SRSF11: variants seen among roughly 807,000 people sequenced by gnomAD.
SRSF11 encodes the protein serine/arginine-rich splicing factor 11.
A neutral mutation model predicts 56.0 loss-of-function variants in SRSF11; 9 were observed. The ratio of observed to expected loss-of-function variants is 0.16; its 90% CI spans 0.10 to 0.28. The LOEUF is 0.28. SRSF11 is among the 10% of genes least tolerant of loss of function. The pLI is 1.00. For missense variants in SRSF11, 421 were observed against 600.7 expected, an observed-to-expected ratio of 0.70 and a Z score of 3.13; for synonymous variants, 222 against 215.3, an observed-to-expected ratio of 1.03 and a Z score of -0.27.
In SRSF11 at chr1:70,244,735, G is replaced by A; in HGVS notation, c.852G>A (p.Arg284=). The A allele has an allele frequency of 6.2e-7, 1 of 1,614,166 alleles. No homozygotes were observed. The highest frequency in any genetic ancestry group is 8.5e-7 in the Non-Finnish European group (1 of 1,180,026). Residue 284 remains arginine (R), a synonymous_variant, in exon 8 of 12, where the codon CGG becomes CGA. Transcript: ENST00000370949. ...RRRSHSKSRS[R]RRSKSPRRRR... Reference sequence around the variant, plus strand: ...GGTCACATTCTAAGTCTAGGAGTCGGCGACGATCCAAAAGCCCAAGGCGGA... The same window carrying A: ...GGTCACATTCTAAGTCTAGGAGTCGACGACGATCCAAAAGCCCAAGGCGGA...
intron 7 of SRSF11, among the ~76,000 whole-genome samples, chr1:70,241,004 T>C (rs1413310732): frequency 6.6e-6 from 1 of 152,046 alleles, no homozygotes; most frequent in African/African-American, 2.4e-5. Flanking sequence ...ACCCGCGACC[T>C]CAGGTGATCC....
upstream of SRSF11, among the ~76,000 whole-genome samples, chr1:70,217,539 T>A (rs1670125334): frequency 6.6e-6 from 1 of 152,190 alleles, no homozygotes; most frequent in African/African-American, 2.4e-5. Context: ...TTCCCTACTC[T>A]ATTTCCAGCA....
chr1:70,227,893 A>G (rs564740078), intron 1 of SRSF11, among the ~76,000 whole-genome samples: 74 of 152,324 alleles, frequency 4.9e-4, no homozygotes, highest in African/African-American at 1.6e-3. Flanking sequence ...TTTACAGTGC[A>G]TAAGAGTTCT....
At chr1:70,206,282 C>A (rs568690739) in intron 1 of SRSF11, among the ~76,000 whole-genome samples, 1 of 152,184 alleles carries the variant, frequency 6.6e-6, no homozygotes, top group Non-Finnish European at 1.5e-5. Context: ...AAGTTCAAAT[C>A]TCAGCTGCTT....
At chr1:70,207,151 C>G (rs1669121421) in intron 1 of SRSF11, among the ~76,000 whole-genome samples, 1 of 151,894 alleles carries the variant, frequency 6.6e-6, no homozygotes, top group South Asian at 2.1e-4. Context: ...TTCGGCCTCC[C>G]AAAGTGCTGG....
chr1:70,221,322 G>T (rs564633384), upstream of SRSF11: 30 of 363,256 alleles, frequency 8.3e-5, no homozygotes, highest in Middle Eastern at 2.1e-3. Flanking sequence ...CCTGCGCGGG[G>T]TGGAGCCGAC....
chr1:70,243,573 T>G (rs1203423233), intron 7 of SRSF11, among the ~76,000 whole-genome samples: 1 of 152,120 alleles, frequency 6.6e-6, no homozygotes, highest in South Asian at 2.1e-4. Flanking sequence ...GTTACCTGGC[T>G]TATAAATGAG....
chr1:70,225,508 A>G (rs1415734654), intron 1 of SRSF11, among the ~76,000 whole-genome samples: 1 of 152,150 alleles, frequency 6.6e-6, no homozygotes, highest in Non-Finnish European at 1.5e-5. Context: ...TTAGCACACT[A>G]TTAAGGTGGA....
At position 70,229,448 on chromosome 1, in the gene SRSF11, T is replaced by C. The variant is rs936313467; in HGVS notation, c.337+893T>C. On this transcript the variant is annotated intron_variant, in intron 2 of 11. Coordinates refer to ENST00000370949, the MANE Select transcript of SRSF11 (RefSeq NM_001350605.2). ...TCTAAAAAGCCACTGTGACAAGAAATTTTAATACCATTTTGTAAAATTTTC... is the reference window on the plus strand; with the variant it reads ...TCTAAAAAGCCACTGTGACAAGAAACTTTAATACCATTTTGTAAAATTTTC... 1.5e-4 allele frequency: 148 copies of C among 985,264 alleles called. No homozygotes were observed. The Middle Eastern group carries it at 2.1e-3, about 14-fold the overall frequency. The allele number at this position is 985,264 out of a possible 1,614,324, so 61.0% of individuals were successfully genotyped here.
Position 70,223,550 on chromosome 1 carries a change from C to G in SRSF11, c.203+1711C>G, listed in dbSNP as rs547843380. On this transcript the variant is annotated intron_variant, in intron 1 of 11. Transcript: ENST00000370949. Reference sequence around the variant, plus strand: ...TGGGATATTCTGCATTAAAAGGACTCCCTTCCCAGTATTGGGAGAAAGAGA... The same window carrying G: ...TGGGATATTCTGCATTAAAAGGACTGCCTTCCCAGTATTGGGAGAAAGAGA... 8.5e-4 allele frequency among the ~76,000 whole-genome samples: 129 copies of G among 152,232 alleles called. 2 individuals are homozygous for G. In the Middle Eastern group the frequency reaches 0.071, roughly 84 times the overall value.
At position 70,221,425 on chromosome 1, in the gene SRSF11, T is replaced by G; in HGVS notation, c.-212T>G. On this transcript the variant is annotated 5_prime_UTR_variant, in exon 1 of 12. Transcript: ENST00000370949. ...GGTGGGGCGGCCGTTTGTTTTCTCGTGGTCTCGAGCTCGCGCGCTCTCATC... is the reference window on the plus strand; with the variant it reads ...GGTGGGGCGGCCGTTTGTTTTCTCGGGGTCTCGAGCTCGCGCGCTCTCATC... The G allele has an allele frequency of 6.8e-6, 4 of 586,630 alleles. No homozygotes were observed. The highest frequency in any genetic ancestry group is 3.4e-5 in the Admixed American group (1 of 29,668). 36.3% of individuals were successfully genotyped at this position (586,630 alleles called of 1,614,324 possible).
Position 70,221,724 on chromosome 1 carries a change from G to A in SRSF11, c.88G>A (p.Gly30Ser), listed in dbSNP as rs1272438747. 6.2e-7 allele frequency: 1 copy of A among 1,613,876 alleles called. No individual in the cohort carries two copies. Among genetic ancestry groups the A allele is most frequent in the African/African-American group, 1.3e-5 (1 of 74,928 alleles). The stretch of plus-strand genomic sequence containing the variant: ...CGGAGGTGGTGGTGGCGGCGGAGGC[G>A]GCGGCACCGAGGTAATCCAGGTGAC... Reference protein sequence around the residue: ...GGGGGGGGGGGGTEVIQVTNV... With the variant: ...GGGGGGGGGGSGTEVIQVTNV... Residue 30 changes from glycine to serine, a missense_variant, in exon 1 of 12, where the codon GGC becomes AGC. Gly to Ser is a moderately conservative substitution (Grantham distance 56). Transcript: ENST00000370949.
At position 70,236,792 on chromosome 1, in the gene SRSF11, ATTTTTTTTTTTTTTTT is replaced by A. The variant is rs35602423; in HGVS notation, c.591-619_591-604del. 1.4e-4 allele frequency among the ~76,000 whole-genome samples: 12 copies of A among 83,738 alleles called. No individual in the cohort carries two copies. In the South Asian group the frequency reaches 3.7e-3, roughly 26 times the overall value. 54.9% of individuals were successfully genotyped at this position (83,738 alleles called of 152,430 possible). A position where few individuals can be genotyped will look rare whatever the true frequency, so the allele number is the denominator to read the frequency against. On this transcript the variant is annotated intron_variant, in intron 5 of 11. Transcript: ENST00000370949. ...TCCCCAAAAAATTACTATGTCATAAATTTTTTTTTTTTTTTTTTTTTTTTTTTTTGAGACGAAATCT... is the reference window on the plus strand; with the variant it reads ...TCCCCAAAAAATTACTATGTCATAAATTTTTTTTTTTTTGAGACGAAATCT...
upstream of SRSF11, among the ~76,000 whole-genome samples, chr1:70,219,361 A>C (rs1670302825): frequency 6.6e-6 from 1 of 152,220 alleles, no homozygotes; most frequent in Non-Finnish European, 1.5e-5. Flanking sequence ...AAAATAGGAT[A>C]GCGTTTGTAT....
chr1:70,209,600 T>TTTTG (rs1165372273), intron 1 of SRSF11, among the ~76,000 whole-genome samples: 1 of 151,996 alleles, frequency 6.6e-6, no homozygotes, highest in East Asian at 1.9e-4. Context: ...GGACATTCTT[T>TTTTG]TTTGTTTGTT....
In SRSF11 at chr1:70,229,862, G is replaced by T. The variant is rs1415011418; in HGVS notation, c.337+1307G>T. 3 of 984,598 alleles carry T rather than the reference G, an allele frequency of 3.0e-6. No homozygotes were observed. In the Admixed American group the frequency reaches 1.8e-4, roughly 61 times the overall value. 61.0% of individuals were successfully genotyped at this position (984,598 alleles called of 1,614,324 possible). ...ACCTCTGTCTCCATGATATTAAAGT[G>T]TATGAGCCCAGTTTTAAGGTTTTGT... is the stretch of plus-strand genomic sequence containing the variant. On this transcript the variant is annotated intron_variant, in intron 2 of 11. Coordinates refer to ENST00000370949, the MANE Select transcript of SRSF11 (RefSeq NM_001350605.2).
At chr1:70,236,331 T>C (rs1305397895) in intron 5 of SRSF11, among the ~76,000 whole-genome samples, 33 of 149,772 alleles carry the variant, frequency 2.2e-4, no homozygotes, top group Admixed American at 2.2e-3. Context: ...TCTTTCTTTT[T>C]CTTTTTTTTT....
At chr1:70,215,593 G>A (rs1397739204) in intron 1 of SRSF11, among the ~76,000 whole-genome samples, 1 of 152,160 alleles carries the variant, frequency 6.6e-6, no homozygotes, top group African/African-American at 2.4e-5. Flanking sequence ...TGGGGGTGGA[G>A]GGAAGAGCTA....
chr1:70,252,342 A>G lies in SRSF11; in HGVS notation c.*1537A>G, dbSNP rs142704936. The G allele has an allele frequency of 1.3e-5, 2 of 152,268 alleles. No homozygotes were observed. Among genetic ancestry groups the G allele is most frequent in the Non-Finnish European group, 2.9e-5 (2 of 67,994 alleles). 9.4% of individuals were successfully genotyped at this position (152,268 alleles called of 1,614,324 possible). On this transcript the variant is annotated 3_prime_UTR_variant, in exon 12 of 12. Transcript: ENST00000370949. ...ATACAGATATTTGCCTTTCTGGAGT[A>G]GTATAGAAGCTGTCAATATGTATCT...
Sources: allele counts gnomAD v4.1 joint callset (sites outside exome capture counted in the v4.1 genomes callset), GRCh38; gene constraint gnomAD v4.1.1; transcripts MANE v1.5; gene names NCBI Gene and HGNC (gene_info 2026-07-23, HGNC 2026-07-21).